TSPAN9: variants seen among roughly 807,000 people sequenced by gnomAD.
TSPAN9 encodes the protein tetraspanin 9, also known as tetraspanin-9.
A neutral mutation model predicts 31.0 loss-of-function variants in TSPAN9; 16 were observed. That is an observed-to-expected ratio of 0.52 (90% CI 0.35 to 0.78). TSPAN9 has a LOEUF of 0.78. TSPAN9 is among the 30% of genes least tolerant of loss of function. The pLI, the probability that TSPAN9 is intolerant of heterozygous loss-of-function variation, is 0.01. For missense variants in TSPAN9, 272 were observed against 312.5 expected (o/e 0.87, Z 0.98); for synonymous variants, 145 against 121.6 (o/e 1.19, Z -1.27).
rs1208269129 is a variant in TSPAN9, at chr12:3,163,081, CAG to C, written c.-17-38093_-17-38092del. On this transcript the variant is annotated intron_variant, in intron 2 of 8. Coordinates refer to ENST00000011898, the MANE Select transcript of TSPAN9 (RefSeq NM_006675.5). ...CCATGGTCCCTGGCTGCGGTCCACA[CAG>C]AGCACTCCCATGCTTGTTCGTGCAG... 3.9e-5 allele frequency among the ~76,000 whole-genome samples: 6 copies of C among 152,220 alleles called. No homozygotes were observed. The South Asian group carries it at 1.2e-3, about 32-fold the overall frequency.
At chr12:3,260,035 A>T (rs992859761) in intron 3 of TSPAN9, among the ~76,000 whole-genome samples, 1 of 152,190 alleles carries the variant, frequency 6.6e-6, no homozygotes, top group Non-Finnish European at 1.5e-5. Context: ...GAGCAGGAAG[A>T]TTTCTGCTGA....
chr12:3,161,947 T>C (rs1176964804), intron 2 of TSPAN9, among the ~76,000 whole-genome samples: 2 of 152,102 alleles, frequency 1.3e-5, no homozygotes, highest in Non-Finnish European at 2.9e-5. Flanking sequence ...TTCCGAAGTG[T>C]TGGGATTACA....
chr12:3,234,525 C>T (rs964094327), intron 3 of TSPAN9, among the ~76,000 whole-genome samples: 1 of 152,214 alleles, frequency 6.6e-6, no homozygotes, highest in Non-Finnish European at 1.5e-5. Context: ...GCTACTTTAT[C>T]ATCTTTCCCG....
At chr12:3,121,739 C>T (rs2098325250) in intron 2 of TSPAN9, among the ~76,000 whole-genome samples, 1 of 152,042 alleles carries the variant, frequency 6.6e-6, no homozygotes, top group Non-Finnish European at 1.5e-5. Context: ...CCGGTGGCAA[C>T]AATTGGCTGG....
At chr12:3,162,890 A>T (rs1402307024) in intron 2 of TSPAN9, among the ~76,000 whole-genome samples, 2 of 152,160 alleles carry the variant, frequency 1.3e-5, no homozygotes, top group African/African-American at 4.8e-5. Context: ...GGCCCCAGGC[A>T]GCCTATTGGA....
At chr12:3,153,055 G>A (rs971403548) in intron 2 of TSPAN9, among the ~76,000 whole-genome samples, 10 of 152,220 alleles carry the variant, frequency 6.6e-5, no homozygotes, top group Admixed American at 5.2e-4. Context: ...GCACGCCTGC[G>A]CGTGTGTGGG....
chr12:3,088,646 T>C (rs997520139), intron 2 of TSPAN9, among the ~76,000 whole-genome samples: 1 of 152,170 alleles, frequency 6.6e-6, no homozygotes, highest in Non-Finnish European at 1.5e-5. Context: ...CTGGAGACCA[T>C]GCAATTCAGG....
At chr12:3,100,077 A>T (rs10848798) in intron 2 of TSPAN9, among the ~76,000 whole-genome samples, 1 of 151,726 alleles carries the variant, frequency 6.6e-6, no homozygotes, top group Non-Finnish European at 1.5e-5. Context: ...TCCTGACCTC[A>T]TGGTGATCCG....
rs561072745 is a variant in TSPAN9, at chr12:3,132,910, C to T, written c.-18+49191C>T. 5.3e-5 allele frequency among the ~76,000 whole-genome samples: 8 copies of T among 152,226 alleles called. No individual in the cohort carries two copies. In the South Asian group the frequency reaches 1.0e-3, roughly 20 times the overall value. On this transcript the variant is annotated intron_variant, in intron 2 of 8. Coordinates refer to ENST00000011898, the MANE Select transcript of TSPAN9 (RefSeq NM_006675.5). ...CCTGAGGCCGCCACAGAGCTCCTCC[C>T]CGTCACCTTTGGGGCCATTAGGAAG...
chr12:3,245,494 C>T lies in TSPAN9; in HGVS notation c.64-32927C>T, dbSNP rs962405340. ...GGCAGCCCAGGGGAAGGGAGTGAGG[C>T]GGGGGCAAAGTTTCCCCTTGATTTG... On this transcript the variant is annotated intron_variant, in intron 3 of 8. Transcript: ENST00000011898. 4.6e-5 allele frequency among the ~76,000 whole-genome samples: 7 copies of T among 152,172 alleles called. No homozygotes were observed. In the South Asian group the frequency reaches 6.2e-4, roughly 14 times the overall value.
intron 1 of TSPAN9, among the ~76,000 whole-genome samples, chr12:3,079,118 T>TC (rs2098296554): frequency 6.6e-6 from 1 of 152,042 alleles, no homozygotes; most frequent in Non-Finnish European, 1.5e-5. Flanking sequence ...TAGCTGGGAT[T>TC]ACAGGCGCGT....
intron 3 of TSPAN9, among the ~76,000 whole-genome samples, chr12:3,243,452 C>A (rs1053473458): frequency 6.6e-6 from 1 of 152,192 alleles, no homozygotes; most frequent in Non-Finnish European, 1.5e-5. Flanking sequence ...GTTTGTGGTG[C>A]ACCAGCTCTG....
At position 3,285,952 on chromosome 12, in the gene TSPAN9, G is replaced by A. The variant is rs1565648353; in HGVS notation, c.*2836G>A. The A allele has an allele frequency of 6.6e-6, 1 of 152,490 alleles. No homozygotes were observed. Among genetic ancestry groups the A allele is most frequent in the East Asian group, 1.9e-4 (1 of 5,174 alleles). 9.4% of individuals were successfully genotyped at this position (152,490 alleles called of 1,614,324 possible). A position where few individuals can be genotyped will look rare whatever the true frequency, so the allele number is the denominator to read the frequency against. On this transcript the variant is annotated 3_prime_UTR_variant, in exon 9 of 9. Transcript: ENST00000011898. ...GCACCCCTCCCCCAGCTTGAGCCGT[G>A]TCACCCCCCTCTCCCTCCAGCATGG...
At chr12:3,113,313 G>A (rs1436514222) in intron 2 of TSPAN9, among the ~76,000 whole-genome samples, 1 of 152,154 alleles carries the variant, frequency 6.6e-6, no homozygotes, top group Non-Finnish European at 1.5e-5. Context: ...GCAAAGGATG[G>A]AGAGAGCATC....
At chr12:3,183,809 CT>C (rs1311602542) in intron 2 of TSPAN9, among the ~76,000 whole-genome samples, 1 of 152,206 alleles carries the variant, frequency 6.6e-6, no homozygotes, top group East Asian at 1.9e-4. Flanking sequence ...TTCCAGTCTA[CT>C]CGGTGATTGG....
chr12:3,176,481 G>C (rs2098355660), intron 2 of TSPAN9, among the ~76,000 whole-genome samples: 1 of 152,236 alleles, frequency 6.6e-6, no homozygotes, highest in Non-Finnish European at 1.5e-5. Context: ...TCACATCCGT[G>C]TGCTGCCTGC....
In TSPAN9 at chr12:3,238,419, T is replaced by C. The variant is rs565434977; in HGVS notation, c.63+37163T>C. On this transcript the variant is annotated intron_variant, in intron 3 of 8. Coordinates refer to ENST00000011898, the MANE Select transcript of TSPAN9 (RefSeq NM_006675.5). ...TGCCAGGGGCCAGCTTTGTGCTGAA[T>C]TGTGGTTTGTGGCTTTTATTTCTTC... is the stretch of plus-strand genomic sequence containing the variant. Among the ~76,000 whole-genome samples the C allele has an allele frequency of 3.3e-5, 5 of 152,334 alleles. No homozygotes were observed. In the East Asian group the frequency reaches 9.6e-4, roughly 29 times the overall value.
chr12:3,180,925 C>T (rs145079008), intron 2 of TSPAN9, among the ~76,000 whole-genome samples: 3 of 152,136 alleles, frequency 2.0e-5, no homozygotes, highest in Non-Finnish European at 2.9e-5. Context: ...GTGTGCCAGG[C>T]GCTTAGGTGG....
Position 3,109,299 on chromosome 12 carries a change from T to TGTGTGAGAGAGAGA in TSPAN9, c.-18+25581_-18+25582insTGTGAGAGAGAGAG, listed in dbSNP as rs1274383200. 6.0e-4 allele frequency among the ~76,000 whole-genome samples: 71 copies of TGTGTGAGAGAGAGA among 118,344 alleles called. No individual in the cohort carries two copies. In the Middle Eastern group the frequency reaches 0.015, roughly 25 times the overall value. The allele number at this position is 118,344 out of a possible 152,430, so 77.6% of individuals were successfully genotyped here. A position where few individuals can be genotyped will look rare whatever the true frequency, so the allele number is the denominator to read the frequency against. Reference sequence around the variant, plus strand: ...GTGTGTGTGTGTGTGTGTGTGTGTGTGAGAGAGAGTGTGTGTGTGTGTGTG... The same window carrying TGTGTGAGAGAGAGA: ...GTGTGTGTGTGTGTGTGTGTGTGTGTGTGTGAGAGAGAGAGAGAGAGAGTGTGTGTGTGTGTGTG... On this transcript the variant is annotated intron_variant, in intron 2 of 8. Coordinates refer to ENST00000011898, the MANE Select transcript of TSPAN9 (RefSeq NM_006675.5).
Sources: allele counts gnomAD v4.1 joint callset (sites outside exome capture counted in the v4.1 genomes callset), GRCh38; gene constraint gnomAD v4.1.1; transcripts MANE v1.5; gene names NCBI Gene and HGNC (gene_info 2026-07-23, HGNC 2026-07-21).